The following REPS2 variants were observed in gnomAD, a reference collection of about 807,000 sequenced individuals.
The protein encoded by REPS2 is RALBP1 associated Eps domain containing 2.
A neutral mutation model predicts 53.6 loss-of-function variants in REPS2; 23 were observed. The ratio of observed to expected loss-of-function variants is 0.43; its 90% CI spans 0.31 to 0.61. REPS2 has a LOEUF of 0.61. Ranked by LOEUF, REPS2 falls within the 20% of genes least tolerant of loss-of-function variation. REPS2 has a pLI of 0.11. For synonymous variants in REPS2, 238 were observed against 218.6 expected, an observed-to-expected ratio of 1.09 and a Z score of -0.78; for missense variants, 446 against 534.9, an observed-to-expected ratio of 0.83 and a Z score of 1.64.
At chrX:16,966,159 A>G (rs1294308813) in intron 1 of REPS2, among the ~76,000 whole-genome samples, 1 of 111,761 alleles carries the variant, frequency 8.9e-6, no homozygotes, top group African/African-American at 3.3e-5. Flanking sequence ...TTCTTAGAGC[A>G]GTAACTCTCA....
intron 9 of REPS2, 32 bp from the exon 10 acceptor site, chrX:17,068,370 C>T: frequency 1.8e-6 from 2 of 1,136,368 alleles, no homozygotes; most frequent in Non-Finnish European, 1.2e-6. Context: ...CTGTTCCAAC[C>T]AGTTTAATTC....
intron 14 of REPS2, among the ~76,000 whole-genome samples, chrX:17,120,042 A>G (rs778328130): frequency 9.1e-6 from 1 of 109,879 alleles, no homozygotes; most frequent in Non-Finnish European, 1.9e-5. Flanking sequence ...ACGTCCGGCT[A>G]ATTTTTGTAT....
At chrX:16,968,184 A>G (rs1221555160) in intron 1 of REPS2, among the ~76,000 whole-genome samples, 5 of 111,525 alleles carry the variant, frequency 4.5e-5, no homozygotes, top group Non-Finnish European at 1.9e-5. Context: ...ACAGGATCCC[A>G]AGGCAGAAGA....
At chrX:17,187,094 A>G in the REPS2 span, among the ~76,000 whole-genome samples, 1 of 112,139 alleles carries the variant, frequency 8.9e-6, no homozygotes, top group Non-Finnish European at 1.9e-5. Flanking sequence ...AAAAAAAATT[A>G]AAACAATGGG....
intron 2 of REPS2, among the ~76,000 whole-genome samples, chrX:17,011,204 C>T (rs772683954): frequency 9.0e-6 from 1 of 111,241 alleles, no homozygotes; most frequent in South Asian, 3.8e-4. Flanking sequence ...ATTTACACCA[C>T]CCTGAGAGTG....
At chrX:16,998,888 A>G (rs1466560877) in intron 1 of REPS2, among the ~76,000 whole-genome samples, 1 of 112,286 alleles carries the variant, frequency 8.9e-6, no homozygotes, top group East Asian at 2.8e-4. Context: ...TACATTTCTC[A>G]CTTCTAAAGC....
intron 14 of REPS2, among the ~76,000 whole-genome samples, chrX:17,115,607 C>T (rs181508307): frequency 6.0e-4 from 67 of 111,934 alleles, no homozygotes; most frequent in African/African-American, 1.8e-3. Flanking sequence ...CCCACGAGGC[C>T]ATATTTCAGA....
At chrX:17,063,883 C>T (rs1056113430) in intron 9 of REPS2, among the ~76,000 whole-genome samples, 1 of 105,949 alleles carries the variant, frequency 9.4e-6, no homozygotes, top group Non-Finnish European at 1.9e-5. Flanking sequence ...TTTAAAACGG[C>T]CATAAAATCT....
chrX:17,018,587 C>CTTCT (rs2061530510), intron 2 of REPS2, among the ~76,000 whole-genome samples: 1 of 80,979 alleles, frequency 1.2e-5, no homozygotes, highest in Non-Finnish European at 2.3e-5. Context: ...GCTTGTTTCA[C>CTTCT]TTCTTTCTTT....
rs939709008 is a variant in REPS2, at chrX:17,148,499, G to A, written c.*1018G>A. On this transcript the variant is annotated 3_prime_UTR_variant, in exon 18 of 18. Coordinates refer to ENST00000357277, the MANE Select transcript of REPS2 (RefSeq NM_004726.3). ...CTTTATTTTAACCTGGATTGCAAAT[G>A]TATGGGGTATGAGGAGATAATGAAA... 1 of 112,452 alleles carries A rather than the reference G, an allele frequency of 8.9e-6. No homozygotes were observed. Among genetic ancestry groups the A allele is most frequent in the African/African-American group, 3.2e-5 (1 of 30,825 alleles). 9.3% of individuals were successfully genotyped at this position (112,452 alleles called of 1,213,427 possible).
At chrX:16,953,841 C>T (rs560566470) in intron 1 of REPS2, among the ~76,000 whole-genome samples, 2 of 112,153 alleles carry the variant, frequency 1.8e-5, no homozygotes, top group African/African-American at 6.5e-5. Flanking sequence ...CTGTTCGAAA[C>T]GTGTATGAAA....
intron 14 of REPS2, among the ~76,000 whole-genome samples, chrX:17,132,400 C>T (rs868479915): frequency 8.9e-6 from 1 of 112,333 alleles, no homozygotes; most frequent in Middle Eastern, 4.7e-3. Context: ...TTTCTCCACA[C>T]CACAAGGCCT....
chrX:17,043,504 GCCCC>G (rs9331473), intron 5 of REPS2, among the ~76,000 whole-genome samples: 36 of 103,197 alleles, frequency 3.5e-4, no homozygotes, highest in African/African-American at 1.2e-3. Context: ...AGCCTTTCTT[GCCCC>G]CCCCCCCGGC....
intron 1 of REPS2, among the ~76,000 whole-genome samples, chrX:16,987,937 A>G (rs2061111831): frequency 9.0e-6 from 1 of 111,358 alleles, no homozygotes; most frequent in South Asian, 3.8e-4. Context: ...TAGAAATTCC[A>G]ACCAGTGCAA....
chrX:17,187,948 T>C, the REPS2 span, among the ~76,000 whole-genome samples: 1 of 112,598 alleles, frequency 8.9e-6, no homozygotes, highest in South Asian at 3.7e-4. Context: ...AATTATATCA[T>C]TTTGTACCCC....
At chrX:17,054,735 A>G in intron 7 of REPS2, 73 bp from the exon 8 acceptor site, 1 of 1,095,575 alleles carries the variant, frequency 9.1e-7, no homozygotes, top group Non-Finnish European at 1.2e-6. Flanking sequence ...TGGGAGTTTT[A>G]TTGGCACGTT....
chrX:17,035,261 ATCT>A (rs758171178), intron 5 of REPS2, among the ~76,000 whole-genome samples: 108 of 108,990 alleles, frequency 9.9e-4, no homozygotes, highest in African/African-American at 3.4e-3. Context: ...GCACCGAGAG[ATCT>A]TCTTGTGGCA....
chrX:17,043,940 A>AC (rs1301309135), intron 5 of REPS2, among the ~76,000 whole-genome samples: 1 of 111,943 alleles, frequency 8.9e-6, no homozygotes, highest in Non-Finnish European at 1.9e-5. Context: ...CAAACATCTT[A>AC]CCCCTGAGGA....
intron 1 of REPS2, among the ~76,000 whole-genome samples, chrX:16,965,183 G>A (rs1372194806): frequency 1.0e-5 from 1 of 95,567 alleles, no homozygotes; most frequent in East Asian, 3.5e-4. Flanking sequence ...TGGCAGGGCA[G>A]AGTGGCTCCT....
Sources: gnomAD v4.1 joint callset for allele counts (sites outside exome capture counted in the v4.1 genomes callset) on GRCh38, gnomAD v4.1.1 for gene constraint, MANE v1.5 for transcripts, NCBI Gene and HGNC (gene_info 2026-07-23, HGNC 2026-07-21) for gene names.